CFAP77: variants seen among roughly 807,000 people sequenced by gnomAD.
The protein encoded by CFAP77 is cilia and flagella associated protein 77, also known as cilia- and flagella-associated protein 77.
A neutral mutation model predicts 31.1 loss-of-function variants in CFAP77; 25 were observed. That is an observed-to-expected ratio of 0.80 (90% CI 0.59 to 1.12). CFAP77 has a LOEUF of 1.12. Among genes scored for constraint, CFAP77 ranks in the 50% most tolerant of loss-of-function variants. The pLI, the probability that CFAP77 is intolerant of heterozygous loss-of-function variation, is 0.00. For synonymous variants in CFAP77, 151 were observed against 159.9 expected (o/e 0.94, Z 0.42); for missense variants, 377 against 397.3 (o/e 0.95, Z 0.44).
At chr9:132,513,236 A>G (rs753809464) in intron 3 of CFAP77, 1 of 1,539,900 alleles carries the variant, frequency 6.5e-7, no homozygotes, top group South Asian at 1.2e-5. Context: ...ATTTTAACCA[A>G]TCCTTTCTTT....
intron 3 of CFAP77, among the ~76,000 whole-genome samples, chr9:132,532,827 T>A (rs1852478498): frequency 1.3e-5 from 2 of 152,096 alleles, no homozygotes; most frequent in South Asian, 4.1e-4. Context: ...GGCAGGAGGA[T>A]CACTTGAACT....
In CFAP77 at chr9:132,537,719, C is replaced by T. The variant is rs374008540; in HGVS notation, c.630+13C>T. On this transcript the variant is annotated intron_variant, in intron 4 of 5. Coordinates refer to ENST00000393216, the MANE Select transcript of CFAP77 (RefSeq NM_001282957.2). ...GAAGAAGCAGAAGGTAAATGCAGCC[C>T]TCGCTCCCAAGTTGACAGCTGATGG... 789 of 1,602,884 alleles carry T rather than the reference C, an allele frequency of 4.9e-4. 1 individual carries two copies. Among genetic ancestry groups the T allele is most frequent in the Non-Finnish European group, 5.9e-4 (695 of 1,170,562 alleles).
intron 1 of CFAP77, among the ~76,000 whole-genome samples, chr9:132,458,357 G>GGGGGGGGGGGGGTGGGGT (rs139008147): frequency 9.2e-5 from 11 of 119,106 alleles, no homozygotes; most frequent in East Asian, 5.4e-4. Flanking sequence ...GAGGGGGGGG[G>GGGGGGGGGGGGGTGGGGT]GTGTGTATGG....
chr9:132,457,367 A>G (rs1006900879), intron 1 of CFAP77, among the ~76,000 whole-genome samples: 2 of 152,218 alleles, frequency 1.3e-5, no homozygotes, highest in Admixed American at 6.5e-5. Context: ...TTTCTCTGAT[A>G]AAAGTGCAGC....
At chr9:132,520,913 A>T (rs993884121) in intron 3 of CFAP77, among the ~76,000 whole-genome samples, 1 of 152,230 alleles carries the variant, frequency 6.6e-6, no homozygotes, top group Non-Finnish European at 1.5e-5. Flanking sequence ...GCAGTCCTCC[A>T]TCCCTACCCC....
At chr9:132,477,141 A>C (rs1201919826) in intron 1 of CFAP77, among the ~76,000 whole-genome samples, 1 of 152,190 alleles carries the variant, frequency 6.6e-6, no homozygotes, top group Admixed American at 6.5e-5. Flanking sequence ...GGAGGCACCA[A>C]CAGTGGGGCC....
At position 132,466,698 on chromosome 9, in the gene CFAP77, G is replaced by A. The variant is rs1471276064; in HGVS notation, c.196-31997G>A. Among the ~76,000 whole-genome samples the A allele has an allele frequency of 3.9e-5, 6 of 152,226 alleles. No individual in the cohort carries two copies. The South Asian group carries it at 8.3e-4, about 21-fold the overall frequency. ...TCAGAGTTAGTTCCCCCGACCTCCC[G>A]GCTTCCTCCAGAAGCCTGTCTGGCC... On this transcript the variant is annotated intron_variant, in intron 1 of 5. Transcript: ENST00000393216.
At chr9:132,489,881 A>T (rs569236970) in intron 1 of CFAP77, among the ~76,000 whole-genome samples, 207 of 152,216 alleles carry the variant, frequency 1.4e-3, no homozygotes, top group African/African-American at 4.7e-3. Context: ...CGTCAGTTTC[A>T]CGGATGTCAG....
chr9:132,541,434 C>G (rs1852639746), intron 4 of CFAP77, among the ~76,000 whole-genome samples: 1 of 152,226 alleles, frequency 6.6e-6, no homozygotes, highest in South Asian at 2.1e-4. Flanking sequence ...TCAAAACCTT[C>G]TAGACATGAC....
At chr9:132,521,731 G>A (rs1362461903) in intron 3 of CFAP77, among the ~76,000 whole-genome samples, 3 of 149,492 alleles carry the variant, frequency 2.0e-5, no homozygotes, top group South Asian at 4.3e-4. Context: ...GGAAGCCACT[G>A]GTTGTGCTGA....
intron 5 of CFAP77, among the ~76,000 whole-genome samples, chr9:132,556,170 A>G (rs1405535095): frequency 6.6e-6 from 1 of 152,128 alleles, no homozygotes; most frequent in Non-Finnish European, 1.5e-5. Context: ...ACTACCCCAG[A>G]TCTCTAGGGG....
At chr9:132,486,121 C>A (rs1225741033) in intron 1 of CFAP77, among the ~76,000 whole-genome samples, 1 of 88,576 alleles carries the variant, frequency 1.1e-5, no homozygotes, top group Non-Finnish European at 2.1e-5. Context: ...GAGACGGAGT[C>A]TTGTTCTGTC....
intron 1 of CFAP77, among the ~76,000 whole-genome samples, chr9:132,488,139 G>T (rs1283949604): frequency 6.6e-6 from 1 of 152,210 alleles, no homozygotes; most frequent in East Asian, 1.9e-4. Flanking sequence ...TAGACGCAGG[G>T]CTGGAGGGTT....
rs1851943502 is a variant in CFAP77, at chr9:132,507,123, TTC to T, written c.524+7524_524+7525del. Among the ~76,000 whole-genome samples, 3 of 152,220 alleles carry T rather than the reference TTC, an allele frequency of 2.0e-5. No homozygotes were observed. In the South Asian group the frequency reaches 6.2e-4, roughly 31 times the overall value. On this transcript the variant is annotated intron_variant, in intron 3 of 5. Coordinates refer to ENST00000393216, the MANE Select transcript of CFAP77 (RefSeq NM_001282957.2). ...CTGGGTCACTTCCTTCCCTTTCACATTCAGCGGCAACCACTTCCTGATAAACT... is the reference window on the plus strand; with the variant it reads ...CTGGGTCACTTCCTTCCCTTTCACATAGCGGCAACCACTTCCTGATAAACT...
rs992130147 is a variant in CFAP77, at chr9:132,552,316, G to A, written c.732+9269G>A. Among the ~76,000 whole-genome samples, 1 of 152,256 alleles carries A rather than the reference G, an allele frequency of 6.6e-6. No homozygotes were observed. Among genetic ancestry groups the A allele is most frequent in the Admixed American group, 6.5e-5 (1 of 15,284 alleles). On this transcript the variant is annotated intron_variant, in intron 5 of 5. Transcript: ENST00000393216. This position sits in a 1 kb window ranked among gnomAD's most constrained non-coding sequence, Gnocchi z 5.5. ...CATGGAGCAACAAAGCCTCTGGGAG[G>A]GACGAGGCCCTGGAAGCTGCTCCTT... is the stretch of plus-strand genomic sequence containing the variant.
At chr9:132,419,161 G>A (rs757764941) in intron 1 of CFAP77, among the ~76,000 whole-genome samples, 5 of 152,146 alleles carry the variant, frequency 3.3e-5, no homozygotes, top group African/African-American at 4.8e-5. Context: ...GCCAAAAAGA[G>A]GGATTTTTGA....
At chr9:132,437,364 C>T (rs919960940) in intron 1 of CFAP77, among the ~76,000 whole-genome samples, 1 of 152,092 alleles carries the variant, frequency 6.6e-6, no homozygotes, top group African/African-American at 2.4e-5. Context: ...AGAAAGACGG[C>T]CAGTATTACG....
chr9:132,567,663 C>T (rs934362223), intron 5 of CFAP77, among the ~76,000 whole-genome samples: 1 of 152,182 alleles, frequency 6.6e-6, no homozygotes, highest in African/African-American at 2.4e-5. Context: ...TGGCTTAAAA[C>T]CATAGAAATG....
At chr9:132,437,968 G>A (rs1850539857) in intron 1 of CFAP77, among the ~76,000 whole-genome samples, 1 of 151,504 alleles carries the variant, frequency 6.6e-6, no homozygotes, top group Admixed American at 6.6e-5. Context: ...CCAGCACTTT[G>A]GGAGGCTGAG....
Sources: gnomAD v4.1 joint callset for allele counts (sites outside exome capture counted in the v4.1 genomes callset) on GRCh38, gnomAD v4.1.1 for gene constraint, Gnocchi (gnomAD v3.1) non-coding constraint, MANE v1.5 for transcripts, NCBI Gene and HGNC (gene_info 2026-07-23, HGNC 2026-07-21) for gene names.